The following CCDC102B variants were observed in gnomAD, a reference collection of about 807,000 sequenced individuals.
The protein encoded by CCDC102B is coiled-coil domain-containing protein 102B.
In CCDC102B, 75 loss-of-function variants were observed where a neutral mutation model predicts 57.4. That is an observed-to-expected ratio of 1.31 (90% CI 1.08 to 1.58). The LOEUF is 1.58. CCDC102B is among the 40% of genes most tolerant of loss of function. The pLI, the probability that CCDC102B is intolerant of heterozygous loss-of-function variation, is 0.00. For missense variants in CCDC102B, 636 were observed against 582.6 expected (o/e 1.09, Z -0.94); for synonymous variants, 206 against 201.9 (o/e 1.02, Z -0.17).
chr18:68,813,208 T>C (rs1255714404), intron 1 of CCDC102B, among the ~76,000 whole-genome samples: 1 of 152,106 alleles, frequency 6.6e-6, no homozygotes, highest in East Asian at 1.9e-4. Flanking sequence ...TCTCTGTCTC[T>C]CTCCTGTTTC....
At chr18:68,853,815 GCTATAAGCACACACACA>G (rs1198040593) in intron 4 of CCDC102B, among the ~76,000 whole-genome samples, 1 of 151,688 alleles carries the variant, frequency 6.6e-6, no homozygotes, top group East Asian at 1.9e-4. Flanking sequence ...CACACATTGT[GCTATAAGCACACACACA>G]CTTATAATAA....
intron 5 of CCDC102B, among the ~76,000 whole-genome samples, chr18:68,876,696 C>T (rs1457573084): frequency 1.3e-5 from 2 of 152,012 alleles, no homozygotes; most frequent in Admixed American, 6.6e-5. Context: ...GGAATGAAAG[C>T]AGGTTAATTC....
At chr18:68,863,096 A>T (rs2144887927) in intron 4 of CCDC102B, among the ~76,000 whole-genome samples, 1 of 151,894 alleles carries the variant, frequency 6.6e-6, no homozygotes, top group Non-Finnish European at 1.5e-5. Flanking sequence ...AAGAAATACG[A>T]TTTTAAAATC....
chr18:68,758,593 C>A (rs2034136600), intron 2 of CCDC102B, among the ~76,000 whole-genome samples: 1 of 151,674 alleles, frequency 6.6e-6, no homozygotes. Flanking sequence ...GGTTATGACC[C>A]CCAAAATCCA....
chr18:68,872,361 C>T (rs1056543225), intron 4 of CCDC102B, among the ~76,000 whole-genome samples: 2 of 151,958 alleles, frequency 1.3e-5, no homozygotes, highest in Non-Finnish European at 1.5e-5. Flanking sequence ...CAACAGGCAC[C>T]GGGACCAAAC....
At chr18:68,914,280 G>A (rs569354929) in intron 6 of CCDC102B, among the ~76,000 whole-genome samples, 1 of 152,268 alleles carries the variant, frequency 6.6e-6, no homozygotes, top group South Asian at 2.1e-4. Context: ...AAAGACGCAT[G>A]TGCTAGGTGA....
Position 68,781,358 on chromosome 18 carries a change from A to AT in CCDC102B, c.-66-42002dup, listed in dbSNP as rs573600477. Among the ~76,000 whole-genome samples the AT allele has an allele frequency of 2.7e-3, 418 of 152,192 alleles. 2 individuals carry two copies. The highest frequency in any genetic ancestry group is 9.6e-3 in the African/African-American group (397 of 41,540). On this transcript the variant is annotated intron_variant, in intron 2 of 3. Coordinates refer to the CCDC102B transcript ENST00000578970. ...GTGGACAAAGAAATTTGGATATAGA[A>AT]TTTTTTGGCTGAATTCAAGATTCTT...
intron 6 of CCDC102B, among the ~76,000 whole-genome samples, chr18:68,960,941 G>A (rs2050031933): frequency 6.6e-6 from 1 of 152,096 alleles, no homozygotes; most frequent in Non-Finnish European, 1.5e-5. Flanking sequence ...TTAATATGAT[G>A]TGTTAAGTAT....
chr18:68,782,363 T>TAC (rs1237495711), intron 2 of CCDC102B, among the ~76,000 whole-genome samples: 7 of 151,974 alleles, frequency 4.6e-5, no homozygotes, highest in South Asian at 4.1e-4. Context: ...TATATACACA[T>TAC]ACACACACAC....
At chr18:69,041,648 T>A (rs546278401) in intron 7 of CCDC102B, among the ~76,000 whole-genome samples, 1 of 152,176 alleles carries the variant, frequency 6.6e-6, no homozygotes, top group African/African-American at 2.4e-5. Context: ...AGCTTACATA[T>A]CTTTATTTCT....
intron 4 of CCDC102B, 104 bp downstream of exon 4, chr18:68,846,525 G>A (rs1336677150): frequency 9.6e-6 from 6 of 628,092 alleles, no homozygotes; most frequent in Admixed American, 3.9e-5. Context: ...GAGGAAGGGA[G>A]GTTAAAAATT....
intron 5 of CCDC102B, among the ~76,000 whole-genome samples, chr18:68,885,147 T>C (rs1356395081): frequency 6.6e-6 from 1 of 151,924 alleles, no homozygotes; most frequent in South Asian, 2.1e-4. Context: ...AAAATATTGC[T>C]CTTAGGACAT....
chr18:68,804,185 A>G (rs2035951831), intron 1 of CCDC102B, among the ~76,000 whole-genome samples: 1 of 152,232 alleles, frequency 6.6e-6, no homozygotes, highest in African/African-American at 2.4e-5. Context: ...TGAAGAGACA[A>G]AGGAATCAAG....
At chr18:68,759,550 A>ACCCCC (rs2145264702) in intron 2 of CCDC102B, among the ~76,000 whole-genome samples, 1 of 152,260 alleles carries the variant, frequency 6.6e-6, no homozygotes, top group Non-Finnish European at 1.5e-5. Context: ...GGGCCAGAAG[A>ACCCCC]CAATGGAACA....
intron 6 of CCDC102B, among the ~76,000 whole-genome samples, chr18:69,004,127 T>A (rs538199633): frequency 6.6e-6 from 1 of 152,310 alleles, no homozygotes; most frequent in South Asian, 2.1e-4. Flanking sequence ...ATCCATGGAC[T>A]TTTGCTAGGA....
Position 68,837,332 on chromosome 18 carries a change from A to G in CCDC102B, c.569A>G (p.Lys190Arg), listed in dbSNP as rs775628335. ...GAGTCTATCAGAGAGTATTTGGTAA[A>G]AAGACAATTTTCTACAAAGGAGGAC... ...MHESIREYLV[K>R]RQFSTKEDTN... The change falls in exon 2 of 8, where the codon AAA (lysine) becomes AGA (arginine). Residue 190 changes from lysine (K) to arginine (R), a missense_variant. Physicochemically the swap from Lys to Arg is conservative, Grantham distance 26 (BLOSUM62 2). Coordinates refer to ENST00000360242, the MANE Select transcript of CCDC102B (RefSeq NM_024781.3). 6.2e-7 allele frequency: 1 copy of G among 1,610,274 alleles called. No individual in the cohort carries two copies.
At chr18:68,887,892 T>C (rs2039944647) in intron 5 of CCDC102B, among the ~76,000 whole-genome samples, 2 of 152,228 alleles carry the variant, frequency 1.3e-5, no homozygotes, top group African/African-American at 4.8e-5. Context: ...ATGATGGTGA[T>C]ATCTTGACAC....
chr18:69,031,449 C>CT lies in CCDC102B; in HGVS notation c.1434+20358dup, dbSNP rs76983663. On this transcript the variant is annotated intron_variant, in intron 7 of 7. Transcript: ENST00000360242. ...ACTTACAAGGCACCTTCCTGGAGAC[C>CT]TTTTTTTTTTTTTCCGTCTGCTTCT... is the stretch of plus-strand genomic sequence containing the variant. Among the ~76,000 whole-genome samples the CT allele has an allele frequency of 4.9e-3, 698 of 141,694 alleles. 3 individuals carry two copies. The highest frequency in any genetic ancestry group is 0.013 in the African/African-American group (523 of 38,882). The allele number at this position is 141,694 out of a possible 152,430, so 93.0% of individuals were successfully genotyped here.
intron 6 of CCDC102B, among the ~76,000 whole-genome samples, chr18:68,964,174 C>G (rs1408432375): frequency 6.6e-6 from 1 of 151,802 alleles, no homozygotes; most frequent in Non-Finnish European, 1.5e-5. Flanking sequence ...TTATTTTGTG[C>G]TTTCTATTAA....
Sources: gnomAD v4.1 joint callset for allele counts (sites outside exome capture counted in the v4.1 genomes callset) on GRCh38, gnomAD v4.1.1 for gene constraint, MANE v1.5 for transcripts, NCBI Gene and HGNC (gene_info 2026-07-23, HGNC 2026-07-21) for gene names.